HPS1: variants seen among roughly 807,000 people sequenced by gnomAD.
HPS1 encodes HPS1 biogenesis of lysosomal organelles complex 3 subunit 1.
HPS1 carries 59 observed loss-of-function variants against 90.6 expected under a neutral mutation model. That is an observed-to-expected ratio of 0.65 (90% CI 0.53 to 0.81). HPS1 has a LOEUF of 0.81. HPS1 is among the 30% of genes least tolerant of loss of function. The pLI, the probability that HPS1 is intolerant of heterozygous loss-of-function variation, is 0.00. For synonymous variants in HPS1, 388 were observed against 384.4 expected (o/e 1.01, Z -0.11); for missense variants, 849 against 896.7 (o/e 0.95, Z 0.68).
intron 6 of HPS1, among the ~76,000 whole-genome samples, chr10:98,431,736 G>C (rs1846504585): frequency 6.7e-6 from 1 of 149,200 alleles, no homozygotes; most frequent in Non-Finnish European, 1.5e-5. Context: ...ATGAGATGGG[G>C]ACAGAGTTTG....
chr10:98,414,926 T>TGGGGGGGG, downstream of HPS1: 1 of 1,537,850 alleles, frequency 6.5e-7, no homozygotes, highest in Non-Finnish European at 8.8e-7. Context: ...GGGGCTTGGC[T>TGGGGGGGG]CCCCCTCCCC....
chr10:98,416,138 T>C (rs1364621984), downstream of HPS1: 2 of 152,292 alleles, frequency 1.3e-5, no homozygotes, highest in African/African-American at 4.8e-5. Context: ...AAGAGGGGGT[T>C]CCGAGGACCC....
chr10:98,432,910 C>T (rs372750283), intron 6 of HPS1, among the ~76,000 whole-genome samples: 14 of 146,326 alleles, frequency 9.6e-5, no homozygotes, highest in Middle Eastern at 3.5e-3. Flanking sequence ...TGGACAAGCA[C>T]AATAAACAGC....
chr10:98,428,366 A>G (rs534652220), intron 10 of HPS1, among the ~76,000 whole-genome samples: 1 of 152,370 alleles, frequency 6.6e-6, no homozygotes, highest in African/African-American at 2.4e-5. Flanking sequence ...CTCAGCTTCA[A>G]TAATTGTTAA....
Position 98,423,685 on chromosome 10 carries a change from G to T in HPS1, c.1533-17C>A, listed in dbSNP as rs187227619. 3.1e-5 allele frequency: 50 copies of T among 1,614,062 alleles called. No homozygotes were observed. The South Asian group carries it at 4.7e-4, about 15-fold the overall frequency. On this transcript the variant is annotated splice_polypyrimidine_tract_variant and intron_variant, in intron 15 of 19. Coordinates refer to ENST00000361490, the MANE Select transcript of HPS1 (RefSeq NM_000195.5). ...AGCTTCTCCCTGCCGAGGGAAGCTC[G>T]GGCTGCGTGAAGGAAGTACGGGCCC... is the stretch of plus-strand genomic sequence containing the variant.
chr10:98,444,085 G>A (rs887045764), intron 2 of HPS1, among the ~76,000 whole-genome samples: 1 of 151,932 alleles, frequency 6.6e-6, no homozygotes, highest in African/African-American at 2.4e-5. Flanking sequence ...AGCTCCAGAA[G>A]ATGAGCCTCA....
intron 11 of HPS1, among the ~76,000 whole-genome samples, chr10:98,426,441 C>A (rs1309181749): frequency 2.0e-5 from 3 of 152,238 alleles, no homozygotes; most frequent in Non-Finnish European, 4.4e-5. Context: ...GGGCAAGGCT[C>A]CAGCCTTACA....
In HPS1 at chr10:98,435,421, G is replaced by T; in HGVS notation, c.256-7C>A. 5 of 1,613,652 alleles carry T rather than the reference G, an allele frequency of 3.1e-6. No individual in the cohort carries two copies. Among genetic ancestry groups the T allele is most frequent in the Non-Finnish European group, 4.2e-6 (5 of 1,180,014 alleles). ...TGAACAGGCATTCTCCAAACTGCAG[G>T]CACAGGCAGGCCAGTGTCAGCCAGC... On this transcript the variant is annotated splice_region_variant and splice_polypyrimidine_tract_variant and intron_variant, in intron 4 of 19. Coordinates refer to ENST00000361490, the MANE Select transcript of HPS1 (RefSeq NM_000195.5). This position sits in a 1 kb window ranked among gnomAD's most constrained non-coding sequence, Gnocchi z 4.3.
At chr10:98,414,435 C>T (rs1843906342), downstream of HPS1, 1 of 152,214 alleles carries the variant, frequency 6.6e-6, no homozygotes, top group Non-Finnish European at 1.5e-5. Flanking sequence ...CCCAAATGTC[C>T]CAGAGCTGCA....
chr10:98,430,372 T>C (rs1035623589), intron 8 of HPS1, among the ~76,000 whole-genome samples, 199 bp downstream of exon 8: 1 of 152,150 alleles, frequency 6.6e-6, no homozygotes, highest in Admixed American at 6.5e-5. Context: ...TCTGCACTTT[T>C]AACCCACTGG....
chr10:98,435,918 A>G lies in HPS1; in HGVS notation c.118-146T>C. The G allele has an allele frequency of 3.1e-6, 3 of 965,402 alleles. No homozygotes were observed. Among genetic ancestry groups the G allele is most frequent in the Non-Finnish European group, 4.7e-6 (3 of 643,848 alleles). The allele number at this position is 965,402 out of a possible 1,614,324, so 59.8% of individuals were successfully genotyped here. On this transcript the variant is annotated intron_variant, in intron 3 of 19. Coordinates refer to ENST00000361490, the MANE Select transcript of HPS1 (RefSeq NM_000195.5). The surrounding 1 kb of genome is among the most constrained non-coding windows in gnomAD (Gnocchi z 4.3). Reference sequence around the variant, plus strand: ...TCACTGTCCTGGTAGGGAGGGGAGCAAAAAGAGACTGTCCCCAACACTTCG... The same window carrying G: ...TCACTGTCCTGGTAGGGAGGGGAGCGAAAAGAGACTGTCCCCAACACTTCG...
chr10:98,429,909 G>A lies in HPS1; in HGVS notation c.769-20C>T. On this transcript the variant is annotated intron_variant, in intron 8 of 19. Coordinates refer to ENST00000361490, the MANE Select transcript of HPS1 (RefSeq NM_000195.5). Reference sequence around the variant, plus strand: ...GGAAGGCTGTGCAGGGCAGGGGAGAGGCTGGTTAGCTCCTATCTGACCTGG... The same window carrying A: ...GGAAGGCTGTGCAGGGCAGGGGAGAAGCTGGTTAGCTCCTATCTGACCTGG... The A allele has an allele frequency of 1.9e-6, 3 of 1,603,288 alleles. No homozygotes were observed. The highest frequency in any genetic ancestry group is 2.5e-6 in the Non-Finnish European group (3 of 1,177,200).
At position 98,430,646 on chromosome 10, in the gene HPS1, C is replaced by T. The variant is rs768048552; in HGVS notation, c.693G>A (p.Pro231=). 5.8e-6 allele frequency: 9 copies of T among 1,554,604 alleles called. No homozygotes were observed. The highest frequency in any genetic ancestry group is 3.6e-5 in the South Asian group (3 of 84,242). The stretch of plus-strand genomic sequence containing the variant: ...GGAGGATGAGGGCAAGCAGGTCGGC[C>T]GGGCGCAGGGAGCTGGCACTGTGGC... ...YSSHSASSLR[P]ADLLALILLV... is the part of the protein sequence containing the mutation. Residue 231 remains proline (P), a synonymous_variant, in exon 8 of 20, where the codon CCG becomes CCA. Coordinates refer to ENST00000361490, the MANE Select transcript of HPS1 (RefSeq NM_000195.5).
intron 14 of HPS1, 58 bp downstream of exon 14, chr10:98,424,255 C>G (rs1016433815): frequency 7.7e-7 from 1 of 1,305,198 alleles, no homozygotes; most frequent in South Asian, 1.2e-5. Flanking sequence ...ATGTGGCCTC[C>G]CAGGGAACAG....
At chr10:98,419,958 A>G in intron 18 of HPS1, 87 bp downstream of exon 18, 3 of 923,186 alleles carry the variant, frequency 3.2e-6, no homozygotes, top group Non-Finnish European at 5.4e-6. Context: ...AGACAGACAG[A>G]CAACAATTCA....
chr10:98,434,285 G>A (rs896038169), intron 5 of HPS1, among the ~76,000 whole-genome samples, 194 bp from the exon 6 acceptor site: 7 of 152,020 alleles, frequency 4.6e-5, no homozygotes, highest in Admixed American at 2.0e-4. Flanking sequence ...GCACGGAGCC[G>A]GAAGGCAGGC....
rs1847233113 is a variant in HPS1, at chr10:98,435,757, C to G, written c.133G>C (p.Asp45His). Residue 45 changes from aspartate to histidine, a missense_variant, in exon 4 of 20, where the codon GAC (aspartate) becomes CAC (histidine). Physicochemically the swap from Asp to His is moderately conservative, Grantham distance 81. Coordinates refer to ENST00000361490, the MANE Select transcript of HPS1 (RefSeq NM_000195.5). This position sits in a 1 kb window ranked among gnomAD's most constrained non-coding sequence, Gnocchi z 4.3. ...GGGGCTAGGAGGGTGCTGAGCTGGT[C>G]CTCCAGGGCAGGGAGCTGCAAAAAT... ...NEEEELPALE[D>H]QLSTLLAPVI... 1.2e-6 allele frequency: 2 copies of G among 1,614,068 alleles called. No homozygotes were observed. Among genetic ancestry groups the G allele is most frequent in the Non-Finnish European group, 1.7e-6 (2 of 1,180,016 alleles).
At chr10:98,421,689 A>C (rs1458794965) in intron 17 of HPS1, among the ~76,000 whole-genome samples, 5 of 152,204 alleles carry the variant, frequency 3.3e-5, no homozygotes, top group Non-Finnish European at 7.3e-5. Flanking sequence ...TAAGTACTGA[A>C]TGAACTGTAT....
chr10:98,429,594 A>G lies in HPS1; in HGVS notation c.916T>C (p.Ser306Pro). 1 of 1,614,150 alleles carries G rather than the reference A, an allele frequency of 6.2e-7. No homozygotes were observed. Among genetic ancestry groups the G allele is most frequent in the Non-Finnish European group, 8.5e-7 (1 of 1,180,018 alleles). ...LPEEYFTPAPSPGDQSSGSTI... is the reference protein window; with the variant it reads ...LPEEYFTPAPPPGDQSSGSTI... The stretch of plus-strand genomic sequence containing the variant: ...TCACCTGAGCTCTGATCGCCAGGGG[A>G]AGGAGCTGGTGTGAAGTACTCCTCA... The change falls in exon 10 of 20, where the codon TCC becomes CCC. Residue 306 changes from serine to proline, a missense_variant. By Grantham distance (74) the Ser-to-Pro change is moderately conservative. Coordinates refer to ENST00000361490, the MANE Select transcript of HPS1 (RefSeq NM_000195.5).
Sources: gnomAD v4.1 joint callset for allele counts (sites outside exome capture counted in the v4.1 genomes callset) on GRCh38, gnomAD v4.1.1 for gene constraint, Gnocchi (gnomAD v3.1) non-coding constraint, MANE v1.5 for transcripts, NCBI Gene and HGNC (gene_info 2026-07-23, HGNC 2026-07-21) for gene names.